The following CDH13 variants were observed in gnomAD, a reference collection of about 807,000 sequenced individuals.
The protein encoded by CDH13 is cadherin 13, also known as cadherin-13.
CDH13 carries 24 observed loss-of-function variants against 63.8 expected under a neutral mutation model. The ratio of observed to expected loss-of-function variants is 0.38; its 90% CI spans 0.27 to 0.53. CDH13 has a LOEUF of 0.53. Among genes scored for constraint, CDH13 ranks in the 20% least tolerant of loss-of-function variants. CDH13 has a pLI of 0.85. For missense variants in CDH13, 1,049 were observed against 903.1 expected, an observed-to-expected ratio of 1.16 and a Z score of -2.07; for synonymous variants, 503 against 355.3, an observed-to-expected ratio of 1.42 and a Z score of -4.67.
intron 11 of CDH13, among the ~76,000 whole-genome samples, chr16:83,757,301 G>C (rs1199304702): frequency 2.6e-5 from 4 of 152,166 alleles, no homozygotes; most frequent in African/African-American, 9.7e-5. Context: ...ATCCAGGCTG[G>C]GCACGGTGGC....
At chr16:82,987,025 G>A (rs966974771) in intron 2 of CDH13, among the ~76,000 whole-genome samples, 6 of 152,074 alleles carry the variant, frequency 3.9e-5, no homozygotes, top group African/African-American at 1.4e-4. Context: ...CACTTTTCAG[G>A]GACAAAAAGC....
chr16:82,868,300 T>C (rs922035894), intron 2 of CDH13, among the ~76,000 whole-genome samples: 1 of 152,194 alleles, frequency 6.6e-6, no homozygotes, highest in Non-Finnish European at 1.5e-5. Flanking sequence ...CAGAGCTCAG[T>C]AGAAATGTTA....
intron 2 of CDH13, among the ~76,000 whole-genome samples, chr16:82,995,178 A>T (rs1390684480): frequency 6.6e-6 from 1 of 152,184 alleles, no homozygotes; most frequent in Non-Finnish European, 1.5e-5. Context: ...CCCTCTCTCC[A>T]TTCTAGGGGA....
chr16:82,807,067 C>A (rs12927775), intron 1 of CDH13, among the ~76,000 whole-genome samples: 8 of 149,404 alleles, frequency 5.4e-5, no homozygotes, highest in South Asian at 4.3e-4. Context: ...TAAGTATAAG[C>A]TTTTGCAGTT....
At chr16:83,267,394 G>A (rs773879440) in intron 5 of CDH13, among the ~76,000 whole-genome samples, 7 of 152,164 alleles carry the variant, frequency 4.6e-5, no homozygotes, top group African/African-American at 1.7e-4. Flanking sequence ...ACCAGTGTCA[G>A]AGGCAGGCAC....
intron 2 of CDH13, among the ~76,000 whole-genome samples, chr16:82,941,060 G>A (rs550288900): frequency 6.6e-6 from 1 of 152,204 alleles, no homozygotes; most frequent in Admixed American, 6.5e-5. Context: ...CAAACGATAG[G>A]AAAATGGTCA....
Position 83,159,304 on chromosome 16 carries a change from G to A in CDH13, c.483+33803G>A, listed in dbSNP as rs951305726. 5.9e-5 allele frequency among the ~76,000 whole-genome samples: 9 copies of A among 152,122 alleles called. No individual in the cohort carries two copies. The East Asian group carries it at 1.5e-3, about 26-fold the overall frequency. On this transcript the variant is annotated intron_variant, in intron 4 of 13. Transcript: ENST00000567109. Reference sequence around the variant, plus strand: ...TTTATTCCTAGCTTTTAAAAATAAAGCCAATGAAAGACCAGAGAGATTATT... The same window carrying A: ...TTTATTCCTAGCTTTTAAAAATAAAACCAATGAAAGACCAGAGAGATTATT...
chr16:82,895,770 T>G (rs2041234489), intron 2 of CDH13, among the ~76,000 whole-genome samples: 1 of 151,868 alleles, frequency 6.6e-6, no homozygotes, highest in African/African-American at 2.4e-5. Flanking sequence ...GTACAGCCAA[T>G]GAAATAGCTT....
chr16:83,319,609 G>A (rs1482958015), intron 5 of CDH13, among the ~76,000 whole-genome samples: 1 of 152,146 alleles, frequency 6.6e-6, no homozygotes, highest in Non-Finnish European at 1.5e-5. Context: ...AGAACAAGGA[G>A]AATAAGTTTT....
rs576817588 is a variant in CDH13 at position 83,748,678 on chromosome 16, A to T, written c.1681+428A>T. On this transcript the variant is annotated intron_variant, in intron 11 of 13. Coordinates refer to ENST00000567109, the MANE Select transcript of CDH13 (RefSeq NM_001257.5). ...TTTTATCCTATTATGACACGCTGCC[A>T]AGGAAAGGCATCAGGTACCCTCAGT... 3.2e-4 allele frequency among the ~76,000 whole-genome samples: 49 copies of T among 152,322 alleles called. 1 individual carries two copies. Among genetic ancestry groups the T allele is most frequent in the Non-Finnish European group, 6.5e-4 (44 of 68,024 alleles).
chr16:83,735,074 T>C (rs1657547), intron 10 of CDH13, among the ~76,000 whole-genome samples: 118,214 of 151,764 alleles, frequency 0.78, 46,410 homozygotes, highest in Middle Eastern at 0.83. Context: ...AAATGATGAA[T>C]AGAAGTTTGT....
intron 1 of CDH13, among the ~76,000 whole-genome samples, chr16:82,735,257 C>T (rs1030499441): frequency 6.6e-6 from 1 of 152,180 alleles, no homozygotes; most frequent in Non-Finnish European, 1.5e-5. Context: ...TCATCATTTT[C>T]CAGGGTGTAC....
chr16:83,704,238 G>C (rs888665192), intron 10 of CDH13, among the ~76,000 whole-genome samples: 2 of 152,208 alleles, frequency 1.3e-5, no homozygotes, highest in African/African-American at 4.8e-5. Flanking sequence ...CTTCTCTTAG[G>C]TGGGGTTTTC....
At chr16:83,009,533 G>A (rs148117760) in intron 2 of CDH13, among the ~76,000 whole-genome samples, 1 of 152,216 alleles carries the variant, frequency 6.6e-6, no homozygotes, top group African/African-American at 2.4e-5. Flanking sequence ...TCAAATTGAG[G>A]ATCAGAGATA....
chr16:83,715,223 A>G (rs1908707904), intron 10 of CDH13, among the ~76,000 whole-genome samples: 1 of 152,206 alleles, frequency 6.6e-6, no homozygotes, highest in Non-Finnish European at 1.5e-5. Flanking sequence ...ATTCCCGTAC[A>G]TAGTGCAGAG....
At chr16:83,281,559 G>T (rs888035527) in intron 5 of CDH13, among the ~76,000 whole-genome samples, 2 of 152,110 alleles carry the variant, frequency 1.3e-5, no homozygotes, top group East Asian at 1.9e-4. Context: ...TCAGCTGTTT[G>T]GTACAAGAGG....
intron 6 of CDH13, among the ~76,000 whole-genome samples, chr16:83,388,698 T>G (rs9931393): frequency 0.5 from 75,618 of 151,754 alleles, 19,636 homozygotes; most frequent in African/African-American, 0.66. Flanking sequence ...AAGCCATATA[T>G]TTCCAAGGGC....
intron 4 of CDH13, among the ~76,000 whole-genome samples, chr16:83,161,523 G>A (rs2037442180): frequency 6.6e-6 from 1 of 152,124 alleles, no homozygotes; most frequent in African/African-American, 2.4e-5. Flanking sequence ...AACAGATAAA[G>A]TTCAAGCAGT....
chr16:83,732,312 A>G (rs577652350), intron 10 of CDH13, among the ~76,000 whole-genome samples: 19 of 152,260 alleles, frequency 1.2e-4, no homozygotes, highest in African/African-American at 4.3e-4. Flanking sequence ...GAAGAGTGAT[A>G]ATGAACCAGC....
Sources: allele counts gnomAD v4.1 joint callset (sites outside exome capture counted in the v4.1 genomes callset), GRCh38; gene constraint gnomAD v4.1.1; transcripts MANE v1.5; gene names NCBI Gene and HGNC (gene_info 2026-07-23, HGNC 2026-07-21).